KIAA0586: variants seen among roughly 807,000 people sequenced by gnomAD.
The protein encoded by KIAA0586 is KIAA0586.
KIAA0586 carries 144 observed loss-of-function variants against 169.8 expected under a neutral mutation model. The observed-to-expected ratio is 0.85, with a 90% CI of 0.74 to 0.97. The LOEUF is 0.97. KIAA0586 is among the 50% of genes least tolerant of loss of function. The pLI is 0.00. For synonymous variants in KIAA0586, 625 were observed against 612.4 expected (o/e 1.02, Z -0.30); for missense variants, 1,854 against 1,823.0 (o/e 1.02, Z -0.31).
At chr14:58,514,028 C>T (rs891226986) in intron 29 of KIAA0586, among the ~76,000 whole-genome samples, 1 of 151,988 alleles carries the variant, frequency 6.6e-6, no homozygotes, top group Non-Finnish European at 1.5e-5. Flanking sequence ...CAGACCTATA[C>T]CAGCCTTGAC....
Position 58,490,210 on chromosome 14 carries a change from A to T in KIAA0586, c.3828A>T (p.Leu1276Phe). 1.3e-6 allele frequency: 2 copies of T among 1,545,306 alleles called. No individual in the cohort carries two copies. The highest frequency in any genetic ancestry group is 1.8e-6 in the Non-Finnish European group (2 of 1,139,438). Residue 1276 changes from leucine to phenylalanine, a missense_variant, in exon 25 of 31, where the codon TTA (leucine) becomes TTT (phenylalanine). Leu to Phe is a conservative substitution (Grantham distance 22, BLOSUM62 0). Transcript: ENST00000652326. The stretch of plus-strand genomic sequence containing the variant: ...ACCTGACAAACCTTAATGATAGCTT[A>T]TCCAGCACTCTGCATGATGCCGTTG... ...GLYLTNLNDS[L>F]SSTLHDAVEM...
chr14:58,470,992 C>T (rs1001426135), intron 17 of KIAA0586, among the ~76,000 whole-genome samples: 5 of 152,158 alleles, frequency 3.3e-5, no homozygotes, highest in African/African-American at 1.2e-4. Flanking sequence ...GCTGGGATTA[C>T]AGGTGCCTGC....
At chr14:58,537,164 G>A (rs2046339780) in intron 29 of KIAA0586, 20 of 1,062,122 alleles carry the variant, frequency 1.9e-5, no homozygotes, top group Non-Finnish European at 2.2e-5. Flanking sequence ...CAACAAGTGA[G>A]AATTATGAAG....
chr14:58,502,943 T>G (rs942642595), intron 27 of KIAA0586, among the ~76,000 whole-genome samples: 1 of 152,140 alleles, frequency 6.6e-6, no homozygotes, highest in African/African-American at 2.4e-5. Context: ...TCTTCTTACT[T>G]TGCCCCTCCC....
intron 29 of KIAA0586, among the ~76,000 whole-genome samples, chr14:58,518,557 A>G (rs1255310451): frequency 1.3e-5 from 2 of 152,236 alleles, no homozygotes; most frequent in African/African-American, 2.4e-5. Flanking sequence ...TTACTGGCAC[A>G]TCCAATATAA....
intron 29 of KIAA0586, chr14:58,521,257 A>C (rs1202840252): frequency 8.9e-7 from 1 of 1,122,246 alleles, no homozygotes; most frequent in Non-Finnish European, 1.3e-6. Flanking sequence ...ACGGATCCTC[A>C]CTCCATGAAC....
At position 58,461,003 on chromosome 14, in the gene KIAA0586, C is replaced by T. The variant is rs763718448; in HGVS notation, c.1902C>T (p.Thr634=). The T allele has an allele frequency of 1.3e-6, 2 of 1,593,124 alleles. No homozygotes were observed. Among genetic ancestry groups the T allele is most frequent in the Non-Finnish European group, 1.7e-6 (2 of 1,171,466 alleles). Residue 634 remains threonine (T), a synonymous_variant, in exon 14 of 31, where the codon ACC becomes ACT. Transcript: ENST00000652326. ...ACACACAGGGGCTTTTGAAAGCAAC[C>T]ACAGTAATACAAGATGAAGATTATA... The part of the protein sequence containing the change: ...KERKEGLLKA[T]TVIQDEDYML...
At chr14:58,506,745 A>AAAC (rs1456248207) in intron 27 of KIAA0586, among the ~76,000 whole-genome samples, 2 of 152,176 alleles carry the variant, frequency 1.3e-5, no homozygotes, top group Non-Finnish European at 2.9e-5. Context: ...AGCCCATTGA[A>AAAC]AACCTAGATT....
intron 28 of KIAA0586, among the ~76,000 whole-genome samples, chr14:58,510,824 G>A (rs1313700401): frequency 6.6e-6 from 1 of 150,472 alleles, no homozygotes; most frequent in Non-Finnish European, 1.5e-5. Flanking sequence ...CAATAACATG[G>A]ATGGTTCTTA....
intron 27 of KIAA0586, 57 bp from the exon 28 acceptor site, chr14:58,508,498 T>A (rs2044159038): frequency 5.1e-6 from 7 of 1,362,514 alleles, no homozygotes; most frequent in Non-Finnish European, 7.1e-6. Context: ...ACTTGTTCAT[T>A]TTTGAAGATA....
Position 58,512,504 on chromosome 14 carries a change from A to G in KIAA0586, c.4324-18A>G. The stretch of plus-strand genomic sequence containing the variant: ...AACTAAAAAATAATATTATGACTTC[A>G]TATCTTAAATTATTTAGTACCAACT... On this transcript the variant is annotated intron_variant, in intron 28 of 30. Coordinates refer to ENST00000652326, the MANE Select transcript of KIAA0586 (RefSeq NM_001329943.3). 1 of 1,309,162 alleles carries G rather than the reference A, an allele frequency of 7.6e-7. No homozygotes were observed. Among genetic ancestry groups the G allele is most frequent in the Middle Eastern group, 2.1e-4 (1 of 4,788 alleles). 81.1% of individuals were successfully genotyped at this position (1,309,162 alleles called of 1,614,324 possible).
chr14:58,445,202 C>T (rs1031758646), intron 6 of KIAA0586, among the ~76,000 whole-genome samples: 1 of 151,866 alleles, frequency 6.6e-6, no homozygotes, highest in Non-Finnish European at 1.5e-5. Context: ...TTTGAGCCAG[C>T]GATTCTGAGG....
intron 29 of KIAA0586, among the ~76,000 whole-genome samples, chr14:58,519,573 C>T (rs1286251977): frequency 1.3e-5 from 2 of 152,142 alleles, no homozygotes; most frequent in Non-Finnish European, 2.9e-5. Flanking sequence ...ATTGAATAAG[C>T]ATTTAATAAA....
At chr14:58,499,331 C>T (rs771509531) in intron 27 of KIAA0586, among the ~76,000 whole-genome samples, 16 of 152,088 alleles carry the variant, frequency 1.1e-4, no homozygotes, top group Non-Finnish European at 1.8e-4. Flanking sequence ...CGGCCCACTG[C>T]AAGCTCTGCC....
the KIAA0586 span, among the ~76,000 whole-genome samples, chr14:58,560,586 G>A: frequency 7.2e-5 from 11 of 152,080 alleles, no homozygotes; most frequent in African/African-American, 1.2e-4. Flanking sequence ...TTTGTTTCTC[G>A]TTGTTTCAGT....
At position 58,536,814 on chromosome 14, in the gene KIAA0586, T is replaced by TA. The variant is rs61408230; in HGVS notation, c.4430-3255dup. Among the ~76,000 whole-genome samples, 40,190 of 152,046 alleles carry TA rather than the reference T, an allele frequency of 0.26. 5,339 individuals carry two copies. Among genetic ancestry groups the TA allele is most frequent in the East Asian group, 0.37 (1,912 of 5,168 alleles). On this transcript the variant is annotated intron_variant, in intron 29 of 30. Coordinates refer to ENST00000652326, the MANE Select transcript of KIAA0586 (RefSeq NM_001329943.3). ...TATCTTCAAACATTTAAGTAAAAGC[T>TA]AACAAGTCAGCTTTTTGTGGTAAAG... is the stretch of plus-strand genomic sequence containing the variant.
intron 27 of KIAA0586, among the ~76,000 whole-genome samples, chr14:58,508,037 G>C (rs1032465707): frequency 6.6e-6 from 1 of 152,002 alleles, no homozygotes; most frequent in African/African-American, 2.4e-5. Flanking sequence ...ACCCACCTCA[G>C]CTTCCCAAAG....
intron 4 of KIAA0586, among the ~76,000 whole-genome samples, chr14:58,442,455 A>G (rs531020956): frequency 3.9e-5 from 6 of 152,236 alleles, no homozygotes; most frequent in Non-Finnish European, 5.9e-5. Context: ...TAATTGTGCT[A>G]TGCCTTTTTC....
At chr14:58,467,057 A>T (rs1477461569) in intron 15 of KIAA0586, among the ~76,000 whole-genome samples, 1 of 152,188 alleles carries the variant, frequency 6.6e-6, no homozygotes, top group African/African-American at 2.4e-5. Flanking sequence ...AAGTATGAAT[A>T]TTTTTTAATG....
Sources: allele counts gnomAD v4.1 joint callset (sites outside exome capture counted in the v4.1 genomes callset), GRCh38; gene constraint gnomAD v4.1.1; transcripts MANE v1.5; gene names NCBI Gene and HGNC (gene_info 2026-07-23, HGNC 2026-07-21).